The following IL1RAPL1 variants were observed in gnomAD, a reference collection of about 807,000 sequenced individuals.
IL1RAPL1 encodes interleukin 1 receptor accessory protein like 1, also known as interleukin-1 receptor accessory protein-like 1.
Under a neutral mutation model 48.4 loss-of-function variants are expected in IL1RAPL1, and 3 were observed. The observed-to-expected ratio is 0.06, with a 90% CI of 0.03 to 0.16. IL1RAPL1 has a LOEUF of 0.16. Among genes scored for constraint, IL1RAPL1 ranks in the 10% least tolerant of loss-of-function variants. IL1RAPL1 has a pLI of 1.00. For missense variants in IL1RAPL1, 349 were observed against 530.6 expected (o/e 0.66, Z 3.36); for synonymous variants, 185 against 187.7 (o/e 0.99, Z 0.12).
chrX:29,168,373 C>G (rs1929829053), intron 2 of IL1RAPL1, among the ~76,000 whole-genome samples: 2 of 106,362 alleles, frequency 1.9e-5, no homozygotes, highest in Admixed American at 2.1e-4. Context: ...TGTTTGCTAA[C>G]TACTATTCTA....
chrX:29,944,592 C>T (rs949253367), intron 9 of IL1RAPL1, among the ~76,000 whole-genome samples: 27 of 112,035 alleles, frequency 2.4e-4, no homozygotes, highest in African/African-American at 7.8e-4. Context: ...AAGATTACTC[C>T]GTCACTTCTG....
At chrX:29,049,458 G>A (rs898896335) in intron 2 of IL1RAPL1, among the ~76,000 whole-genome samples, 3 of 112,213 alleles carry the variant, frequency 2.7e-5, no homozygotes, top group Non-Finnish European at 3.8e-5. Flanking sequence ...AGAGTAAGGA[G>A]GGTGAGGTAA....
At chrX:29,628,610 C>T (rs1001659560) in intron 5 of IL1RAPL1, among the ~76,000 whole-genome samples, 7 of 111,606 alleles carry the variant, frequency 6.3e-5, no homozygotes, top group Non-Finnish European at 3.8e-5. Flanking sequence ...GGCATGATAC[C>T]CAGGCAGAAT....
At chrX:28,593,987 A>T (rs1379249210) in intron 1 of IL1RAPL1, among the ~76,000 whole-genome samples, 5 of 111,318 alleles carry the variant, frequency 4.5e-5, no homozygotes, top group Admixed American at 3.9e-4. Flanking sequence ...TGAATATAAT[A>T]ACTCTTTAAA....
At chrX:28,638,129 TA>T (rs1934487069) in intron 1 of IL1RAPL1, among the ~76,000 whole-genome samples, 1 of 111,824 alleles carries the variant, frequency 8.9e-6, no homozygotes, top group Non-Finnish European at 1.9e-5. Flanking sequence ...TAATGATTTT[TA>T]AACAAATATC....
chrX:29,229,126 A>C (rs188357688), intron 2 of IL1RAPL1, among the ~76,000 whole-genome samples: 2 of 112,101 alleles, frequency 1.8e-5, no homozygotes, highest in African/African-American at 6.5e-5. Flanking sequence ...TTTTTCATAA[A>C]ATTAAATTTC....
chrX:29,341,758 A>C (rs1259443505), intron 3 of IL1RAPL1, among the ~76,000 whole-genome samples: 3 of 111,177 alleles, frequency 2.7e-5, no homozygotes, highest in Non-Finnish European at 5.7e-5. Context: ...TAAGCTTAAA[A>C]ATGAAAAAAT....
intron 2 of IL1RAPL1, among the ~76,000 whole-genome samples, chrX:29,033,424 G>C (rs1246387027): frequency 9.0e-6 from 1 of 111,406 alleles, no homozygotes; most frequent in Non-Finnish European, 1.9e-5. Flanking sequence ...GGACTTTAAG[G>C]GTGGTTGAAA....
At chrX:29,101,578 A>G (rs1384693215) in intron 2 of IL1RAPL1, among the ~76,000 whole-genome samples, 1 of 111,996 alleles carries the variant, frequency 8.9e-6, no homozygotes, top group East Asian at 2.8e-4. Context: ...AATATCCCAG[A>G]TAAACATTGG....
At chrX:28,796,247 A>G (rs1363108676) in intron 2 of IL1RAPL1, among the ~76,000 whole-genome samples, 2 of 111,279 alleles carry the variant, frequency 1.8e-5, no homozygotes, top group Non-Finnish European at 3.8e-5. Flanking sequence ...AAACCATATC[A>G]TTCCACCCCG....
chrX:29,141,613 C>T (rs950941806), intron 2 of IL1RAPL1, among the ~76,000 whole-genome samples: 27 of 111,617 alleles, frequency 2.4e-4, no homozygotes, highest in African/African-American at 8.8e-4. Flanking sequence ...CCAAAAATTT[C>T]TACATAATGC....
chrX:28,990,471 C>T lies in IL1RAPL1; in HGVS notation c.82+201046C>T, dbSNP rs1273993675. ...AGACATACTAAATAGTTCTCTATTTCAGTGAAACAGACAAGTATTCACCGA... is the reference window on the plus strand; with the variant it reads ...AGACATACTAAATAGTTCTCTATTTTAGTGAAACAGACAAGTATTCACCGA... On this transcript the variant is annotated intron_variant, in intron 2 of 10. Transcript: ENST00000378993. 2.8e-4 allele frequency among the ~76,000 whole-genome samples: 31 copies of T among 112,008 alleles called. No individual in the cohort carries two copies. In the Admixed American group the frequency reaches 2.8e-3, roughly 10 times the overall value.
At chrX:28,995,894 A>G (rs966773534) in intron 2 of IL1RAPL1, among the ~76,000 whole-genome samples, 1 of 110,045 alleles carries the variant, frequency 9.1e-6, no homozygotes, top group African/African-American at 3.3e-5. Flanking sequence ...ACCAACTTCT[A>G]TGAACCAGAA....
At chrX:29,928,248 A>G (rs1343569038) in intron 8 of IL1RAPL1, among the ~76,000 whole-genome samples, 1 of 112,168 alleles carries the variant, frequency 8.9e-6, no homozygotes, top group African/African-American at 3.2e-5. Context: ...AATGATAAAC[A>G]GGCAGTGTAG....
At chrX:28,667,269 C>A (rs2099556345) in intron 1 of IL1RAPL1, among the ~76,000 whole-genome samples, 1 of 111,800 alleles carries the variant, frequency 8.9e-6, no homozygotes, top group Admixed American at 9.5e-5. Flanking sequence ...GCACCGTTAC[C>A]CTGTAAAATA....
intron 2 of IL1RAPL1, among the ~76,000 whole-genome samples, chrX:29,259,900 C>A (rs769916694): frequency 1.8e-5 from 2 of 111,285 alleles, no homozygotes; most frequent in African/African-American, 3.3e-5. Context: ...ATAAAAGTGG[C>A]AAGCTTATGT....
chrX:29,587,031 A>G (rs1396786917), intron 5 of IL1RAPL1, among the ~76,000 whole-genome samples: 1 of 110,096 alleles, frequency 9.1e-6, no homozygotes, highest in Non-Finnish European at 1.9e-5. Context: ...TTGCCTAATT[A>G]CTCTGGCCAG....
chrX:29,285,330 C>T (rs1240756584), intron 3 of IL1RAPL1, among the ~76,000 whole-genome samples: 1 of 108,005 alleles, frequency 9.3e-6, no homozygotes, highest in Non-Finnish European at 1.9e-5. Flanking sequence ...GTTGGGAGTT[C>T]GAGACCAGCC....
chrX:28,688,930 G>A (rs1935143898), intron 1 of IL1RAPL1, among the ~76,000 whole-genome samples: 1 of 110,798 alleles, frequency 9.0e-6, no homozygotes, highest in Admixed American at 9.6e-5. Context: ...TCTTAGTCCT[G>A]CCCATAATGA....
Sources: allele counts gnomAD v4.1 joint callset (sites outside exome capture counted in the v4.1 genomes callset), GRCh38; gene constraint gnomAD v4.1.1; transcripts MANE v1.5; gene names NCBI Gene and HGNC (gene_info 2026-07-23, HGNC 2026-07-21).